PPP1R21: variants seen among roughly 807,000 people sequenced by gnomAD.
PPP1R21 encodes protein phosphatase 1 regulatory subunit 21.
In PPP1R21, 85 loss-of-function variants were observed where a neutral mutation model predicts 112.8. That is an observed-to-expected ratio of 0.75 (90% CI 0.63 to 0.90). PPP1R21 has a LOEUF of 0.90. Among genes scored for constraint, PPP1R21 ranks in the 40% least tolerant of loss-of-function variants. The pLI is 0.00. For missense variants in PPP1R21, 1,199 were observed against 901.5 expected (o/e 1.33, Z -4.23); for synonymous variants, 381 against 322.3 (o/e 1.18, Z -1.95).
At chr2:48,441,986 T>G (rs1667050208) in intron 1 of PPP1R21, among the ~76,000 whole-genome samples, 2 of 152,244 alleles carry the variant, frequency 1.3e-5, no homozygotes, top group African/African-American at 4.8e-5. Flanking sequence ...AAATAAAACT[T>G]GTGCCTAAAC....
chr2:48,486,259 A>G (rs1669292347), intron 13 of PPP1R21, among the ~76,000 whole-genome samples: 1 of 152,150 alleles, frequency 6.6e-6, no homozygotes, highest in Admixed American at 6.6e-5. Flanking sequence ...TTGTTTATAT[A>G]AATACAAGAT....
chr2:48,496,279 C>T (rs947907866), intron 16 of PPP1R21, among the ~76,000 whole-genome samples: 5 of 152,076 alleles, frequency 3.3e-5, no homozygotes, highest in East Asian at 1.9e-4. Flanking sequence ...GTCCTTGTTA[C>T]AGTAAATGGA....
intron 1 of PPP1R21, among the ~76,000 whole-genome samples, chr2:48,446,663 C>G (rs1370085434): frequency 6.6e-6 from 1 of 152,080 alleles, no homozygotes; most frequent in Non-Finnish European, 1.5e-5. Flanking sequence ...TAGCATTGAT[C>G]TTTCATTGCA....
chr2:48,473,984 G>GT (rs1326372773), intron 11 of PPP1R21, among the ~76,000 whole-genome samples: 1 of 152,188 alleles, frequency 6.6e-6, no homozygotes, highest in African/African-American at 2.4e-5. Context: ...TCTTGCTGGT[G>GT]TCAGTGTTAA....
At position 48,458,121 on chromosome 2, in the gene PPP1R21, A is replaced by T; in HGVS notation, c.274-5A>T. On this transcript the variant is annotated splice_polypyrimidine_tract_variant and splice_region_variant and intron_variant, in intron 3 of 21. Coordinates refer to ENST00000294952, the MANE Select transcript of PPP1R21 (RefSeq NM_001135629.3). ...TATGTGGACATAACTTATTCTTTCC[A>T]TCAGAAAAGTGGAGAATCTTCTTCT... 6.3e-7 allele frequency: 1 copy of T among 1,596,338 alleles called. No homozygotes were observed. Among genetic ancestry groups the T allele is most frequent in the Non-Finnish European group, 8.6e-7 (1 of 1,164,778 alleles).
chr2:48,456,444 G>C (rs2103781948), intron 3 of PPP1R21, among the ~76,000 whole-genome samples: 1 of 152,236 alleles, frequency 6.6e-6, no homozygotes, highest in Admixed American at 6.5e-5. Context: ...TTAAGCCCAG[G>C]CTTGAATTCT....
At chr2:48,444,992 A>G (rs1384692316) in intron 1 of PPP1R21, among the ~76,000 whole-genome samples, 1 of 151,952 alleles carries the variant, frequency 6.6e-6, no homozygotes, top group African/African-American at 2.4e-5. Context: ...CTCTTAGTAC[A>G]CAGCTACTTG....
chr2:48,506,168 T>C (rs115587520), intron 18 of PPP1R21, among the ~76,000 whole-genome samples: 4,349 of 152,306 alleles, frequency 0.029, 193 homozygotes, highest in African/African-American at 0.096. Flanking sequence ...GATCTCAGCT[T>C]ACTGCAACCT....
intron 7 of PPP1R21, among the ~76,000 whole-genome samples, 183 bp downstream of exon 7, chr2:48,461,415 A>G (rs188149531): frequency 7.1e-4 from 108 of 152,316 alleles, no homozygotes; most frequent in African/African-American, 2.3e-3. Flanking sequence ...TTAAATTGTC[A>G]TATAACTACT....
intron 4 of PPP1R21, among the ~76,000 whole-genome samples, chr2:48,458,600 G>A (rs1409868631): frequency 8.5e-6 from 1 of 117,330 alleles, no homozygotes; most frequent in Admixed American, 8.9e-5. Context: ...TTTTTTAACT[G>A]ATGTTTAGTT....
intron 16 of PPP1R21, among the ~76,000 whole-genome samples, chr2:48,497,228 C>A (rs1245957568): frequency 6.6e-6 from 1 of 152,152 alleles, no homozygotes; most frequent in Non-Finnish European, 1.5e-5. Context: ...AGCTGATGTC[C>A]ACAACAAAAC....
chr2:48,465,737 C>T, intron 9 of PPP1R21, 95 bp downstream of exon 9: 1 of 1,084,218 alleles, frequency 9.2e-7, no homozygotes, highest in African/African-American at 1.6e-5. Flanking sequence ...CCAAGTACTG[C>T]AAAGGACATG....
intron 9 of PPP1R21, 106 bp downstream of exon 9, chr2:48,465,748 G>A: frequency 4.3e-6 from 4 of 921,846 alleles, no homozygotes; most frequent in South Asian, 2.6e-5. Flanking sequence ...AAAGGACATG[G>A]AAAAAACCCA....
chr2:48,464,773 A>T (rs1289031273), intron 7 of PPP1R21, among the ~76,000 whole-genome samples, 164 bp from the exon 8 acceptor site: 2 of 152,210 alleles, frequency 1.3e-5, no homozygotes, highest in Non-Finnish European at 2.9e-5. Context: ...ACTTTATCTG[A>T]GAAACCACTG....
chr2:48,450,206 G>C (rs1187931732), intron 1 of PPP1R21, among the ~76,000 whole-genome samples: 1 of 152,160 alleles, frequency 6.6e-6, no homozygotes, highest in East Asian at 1.9e-4. Context: ...ATAGCAGCCA[G>C]TATTGTCTAA....
Position 48,461,244 on chromosome 2 carries a change from G to A in PPP1R21, c.694+12G>A, listed in dbSNP as rs779224294. 3 of 1,523,470 alleles carry A rather than the reference G, an allele frequency of 2.0e-6. No individual in the cohort carries two copies. Among genetic ancestry groups the A allele is most frequent in the African/African-American group, 1.4e-5 (1 of 69,174 alleles). The allele number at this position is 1,523,470 out of a possible 1,614,324, so 94.4% of individuals were successfully genotyped here. On this transcript the variant is annotated intron_variant, in intron 7 of 21. Coordinates refer to ENST00000294952, the MANE Select transcript of PPP1R21 (RefSeq NM_001135629.3). ...TTTTAATGATACAAGTAGGTATTAT[G>A]TACAGTTTTCCATTATTTGTAACTT...
chr2:48,441,039 TC>T, intron 1 of PPP1R21, 29 bp downstream of exon 1: 2 of 1,530,912 alleles, frequency 1.3e-6, no homozygotes, highest in Non-Finnish European at 1.8e-6. Context: ...GAGTAGGGGG[TC>T]CCCCGCCCTG....
rs756049180 is a variant in PPP1R21, at chr2:48,458,137, ATCT to A, written c.292_294del (p.Ser98del). 247 of 1,609,674 alleles carry A rather than the reference ATCT, an allele frequency of 1.5e-4. No homozygotes were observed. The highest frequency in any genetic ancestry group is 5.0e-4 in the South Asian group (45 of 90,902). On this transcript the variant is annotated inframe_deletion, in exon 4 of 22. Transcript: ENST00000294952. ...ATTCTTTCCATCAGAAAAGTGGAGA[ATCT>A]TCTTCTCAGTTGAGTCAAGAGCAGA... is the stretch of plus-strand genomic sequence containing the variant.
At chr2:48,501,626 G>T (rs1670118511) in intron 17 of PPP1R21, among the ~76,000 whole-genome samples, 1 of 152,128 alleles carries the variant, frequency 6.6e-6, no homozygotes, top group South Asian at 2.1e-4. Context: ...TCTGATCCAT[G>T]TCAGAAAACA....
Sources: allele counts gnomAD v4.1 joint callset (sites outside exome capture counted in the v4.1 genomes callset), GRCh38; gene constraint gnomAD v4.1.1; transcripts MANE v1.5; gene names NCBI Gene and HGNC (gene_info 2026-07-23, HGNC 2026-07-21).